ZNF365: variants seen among roughly 807,000 people sequenced by gnomAD.
ZNF365 encodes zinc finger protein 365.
A neutral mutation model predicts 35.0 loss-of-function variants in ZNF365; 22 were observed. The observed-to-expected ratio is 0.63, with a 90% CI of 0.45 to 0.90. The LOEUF is 0.90. Ranked by LOEUF, ZNF365 falls within the 40% of genes least tolerant of loss-of-function variation. The probability of loss-of-function intolerance (pLI) is 0.00; values close to 1 mark genes in which losing one functional copy is unlikely to be tolerated. For synonymous variants in ZNF365, 188 were observed against 196.2 expected, an observed-to-expected ratio of 0.96 and a Z score of 0.35; for missense variants, 448 against 500.3, an observed-to-expected ratio of 0.90 and a Z score of 1.00.
chr10:62,447,327 G>C (rs1355510900), intron 3 of ZNF365, among the ~76,000 whole-genome samples: 1 of 151,990 alleles, frequency 6.6e-6, no homozygotes, highest in Non-Finnish European at 1.5e-5. Flanking sequence ...GTTTTTTATT[G>C]TGGAATCTGG....
chr10:62,417,144 A>G (rs985417059), intron 3 of ZNF365, among the ~76,000 whole-genome samples: 5 of 152,114 alleles, frequency 3.3e-5, no homozygotes, highest in African/African-American at 1.2e-4. Flanking sequence ...AAAAATTTCC[A>G]ACATTTGTCC....
Position 62,398,472 on chromosome 10 carries a change from G to A in ZNF365, c.925-268G>A, listed in dbSNP as rs192442195. Reference sequence around the variant, plus strand: ...GCTCTACTGGGGGGCTCTTTTGCGTGTTTGAGATTTTTGAGATCTGCTGAC... The same window carrying A: ...GCTCTACTGGGGGGCTCTTTTGCGTATTTGAGATTTTTGAGATCTGCTGAC... On this transcript the variant is annotated intron_variant, in intron 3 of 4. Transcript: ENST00000395254. 7.9e-5 allele frequency among the ~76,000 whole-genome samples: 12 copies of A among 152,250 alleles called. No homozygotes were observed. The East Asian group carries it at 2.3e-3, about 29-fold the overall frequency.
In ZNF365 at chr10:62,388,434, C is replaced by T; in HGVS notation, c.782C>T (p.Ala261Val). The T allele has an allele frequency of 6.2e-7, 1 of 1,614,196 alleles. No homozygotes were observed. The highest frequency in any genetic ancestry group is 8.5e-7 in the Non-Finnish European group (1 of 1,180,038). Reference protein sequence around the residue: ...VTFNHFLEAAAEKEVQGKARL... With the variant: ...VTFNHFLEAAVEKEVQGKARL... ...TTCAACCATTTCCTGGAAGCGGCAG[C>T]TGAGAAGGAGGTTCAAGGGAAAGCC... The change falls in exon 3 of 5, where the codon GCT becomes GTT. Residue 261 changes from alanine to valine, a missense_variant. Ala to Val is a moderately conservative substitution (Grantham distance 64). Around this residue, in one of 3 missense-constraint regions of ZNF365, gnomAD observed 362 missense variants for 375.7 expected, o/e 0.96. Coordinates refer to ENST00000395254, the MANE Select transcript of ZNF365 (RefSeq NM_014951.3).
At chr10:62,377,226 G>A (rs1187421201) in intron 2 of ZNF365, among the ~76,000 whole-genome samples, 2 of 152,232 alleles carry the variant, frequency 1.3e-5, no homozygotes, top group African/African-American at 4.8e-5. Context: ...CCTAGCCATG[G>A]TGGGATCCAT....
intron 3 of ZNF365, among the ~76,000 whole-genome samples, chr10:62,457,454 T>G (rs1217486575): frequency 6.6e-6 from 1 of 152,226 alleles, no homozygotes; most frequent in South Asian, 2.1e-4. Flanking sequence ...TAGAATTACA[T>G]TCACATTTGC....
intron 3 of ZNF365, among the ~76,000 whole-genome samples, chr10:62,424,184 T>C (rs1216275231): frequency 6.6e-6 from 1 of 152,190 alleles, no homozygotes; most frequent in African/African-American, 2.4e-5. Context: ...GTGAGTATGC[T>C]TATCCAATGA....
chr10:62,468,789 C>T (rs1840985628), intron 4 of ZNF365, among the ~76,000 whole-genome samples: 1 of 152,166 alleles, frequency 6.6e-6, no homozygotes, highest in South Asian at 2.1e-4. Flanking sequence ...TAGCCAACAC[C>T]ATAGACATCT....
chr10:62,389,660 A>G (rs1371058101), intron 3 of ZNF365, among the ~76,000 whole-genome samples: 3 of 152,230 alleles, frequency 2.0e-5, no homozygotes, highest in Non-Finnish European at 2.9e-5. Flanking sequence ...GGTGGATAAA[A>G]GAAGGAACAG....
intron 2 of ZNF365, among the ~76,000 whole-genome samples, chr10:62,385,645 G>T (rs1013679488): frequency 6.6e-6 from 1 of 152,108 alleles, no homozygotes; most frequent in Non-Finnish European, 1.5e-5. Context: ...TTGCTTCTGA[G>T]TGGTGGGATT....
intron 4 of ZNF365, among the ~76,000 whole-genome samples, chr10:62,471,612 T>C (rs1841040229): frequency 6.6e-6 from 1 of 152,196 alleles, no homozygotes; most frequent in African/African-American, 2.4e-5. Flanking sequence ...TATGATTATA[T>C]GGCTTACTAT....
chr10:62,377,376 G>C (rs563714856), intron 2 of ZNF365, among the ~76,000 whole-genome samples: 2 of 152,144 alleles, frequency 1.3e-5, no homozygotes, highest in African/African-American at 4.8e-5. Flanking sequence ...CATTCCTCCA[G>C]TATAAATAAG....
intron 4 of ZNF365, among the ~76,000 whole-genome samples, chr10:62,462,546 G>T (rs1483338259): frequency 5.9e-5 from 9 of 152,204 alleles, no homozygotes; most frequent in African/African-American, 2.2e-4. Context: ...ATCTAAGTGG[G>T]CCATGTAGAC....
At chr10:62,384,036 G>A (rs1322142147) in intron 2 of ZNF365, among the ~76,000 whole-genome samples, 4 of 148,874 alleles carry the variant, frequency 2.7e-5, no homozygotes, top group African/African-American at 7.4e-5. Flanking sequence ...TTTTTTTTTA[G>A]TGTCAAATAT....
At chr10:62,441,785 T>A (rs138455292) in intron 3 of ZNF365, among the ~76,000 whole-genome samples, 1 of 152,166 alleles carries the variant, frequency 6.6e-6, no homozygotes, top group Non-Finnish European at 1.5e-5. Flanking sequence ...TGCTTGTGAA[T>A]TGAATCGAAG....
intron 3 of ZNF365, among the ~76,000 whole-genome samples, chr10:62,395,584 T>C (rs1184736521): frequency 6.7e-6 from 1 of 149,782 alleles, no homozygotes; most frequent in South Asian, 2.1e-4. Context: ...CTCGAACTCC[T>C]GACTTCAGGT....
At chr10:62,397,958 G>T (rs1364444554) in intron 3 of ZNF365, among the ~76,000 whole-genome samples, 1 of 152,162 alleles carries the variant, frequency 6.6e-6, no homozygotes, top group Non-Finnish European at 1.5e-5. Context: ...AAATTCTTTA[G>T]TGGTGATTTC....
At chr10:62,375,759 G>A (rs1380094572) in intron 1 of ZNF365, 1 of 163,928 alleles carries the variant, frequency 6.1e-6, no homozygotes, top group Non-Finnish European at 1.3e-5. Flanking sequence ...TTCCACTTCT[G>A]GATCTACCAC....
In ZNF365 at chr10:62,400,319, T is replaced by C; in HGVS notation, c.*530T>C. The C allele has an allele frequency of 3.0e-6, 3 of 986,576 alleles. No individual in the cohort carries two copies. The highest frequency in any genetic ancestry group is 3.6e-6 in the Non-Finnish European group (3 of 830,366). 61.1% of individuals were successfully genotyped at this position (986,576 alleles called of 1,614,324 possible). A position where few individuals can be genotyped will look rare whatever the true frequency, so the allele number is the denominator to read the frequency against. ...GATTCCCATTCCCCGAGTATTCTGG[T>C]TAATCAAGATTTCAATTTCTGGGTT... is the stretch of plus-strand genomic sequence containing the variant. On this transcript the variant is annotated 3_prime_UTR_variant, in exon 5 of 5. Transcript: ENST00000395254.
At chr10:62,468,103 A>G (rs1840974282) in intron 4 of ZNF365, among the ~76,000 whole-genome samples, 2 of 152,196 alleles carry the variant, frequency 1.3e-5, no homozygotes, top group South Asian at 4.1e-4. Flanking sequence ...TCGCTTTAAG[A>G]TTATTTATAA....
Sources: gnomAD v4.1 joint callset for allele counts (sites outside exome capture counted in the v4.1 genomes callset) on GRCh38, gnomAD v4.1.1 for gene constraint, gnomAD v4.1.1 regional missense constraint, MANE v1.5 for transcripts, NCBI Gene and HGNC (gene_info 2026-07-23, HGNC 2026-07-21) for gene names.